The following SLC2A9 variants were observed in gnomAD, a reference collection of about 807,000 sequenced individuals.
SLC2A9 encodes solute carrier family 2 member 9.
SLC2A9 carries 39 observed loss-of-function variants against 50.6 expected under a neutral mutation model. The ratio of observed to expected loss-of-function variants is 0.77; its 90% CI spans 0.60 to 1.01. SLC2A9 has a LOEUF of 1.01. SLC2A9 is among the 50% of genes least tolerant of loss of function. The pLI is 0.00. For missense variants in SLC2A9, 686 were observed against 677.6 expected (o/e 1.01, Z -0.14); for synonymous variants, 324 against 276.9 (o/e 1.17, Z -1.69).
At chr4:9,973,137 T>C (rs917793378) in intron 5 of SLC2A9, among the ~76,000 whole-genome samples, 2 of 152,096 alleles carry the variant, frequency 1.3e-5, no homozygotes, top group African/African-American at 4.8e-5. Flanking sequence ...CACAGAAATA[T>C]AAAATATCTT....
At chr4:9,797,759 C>T (rs1279667449), downstream of SLC2A9, among the ~76,000 whole-genome samples, 1 of 152,220 alleles carries the variant, frequency 6.6e-6, no homozygotes, top group Non-Finnish European at 1.5e-5. Context: ...GTCCACAGCA[C>T]CAAACACTTA....
chr4:9,926,870 G>T (rs573622819), intron 6 of SLC2A9, among the ~76,000 whole-genome samples: 1 of 152,090 alleles, frequency 6.6e-6, no homozygotes, highest in Non-Finnish European at 1.5e-5. Flanking sequence ...GCAAGCTTGT[G>T]TTCACGGAGG....
chr4:10,001,019 G>A (rs936991284), intron 2 of SLC2A9, among the ~76,000 whole-genome samples: 2 of 152,112 alleles, frequency 1.3e-5, no homozygotes, highest in African/African-American at 2.4e-5. Flanking sequence ...CCAAACCTCA[G>A]AATGGGTCCT....
At chr4:9,976,726 C>T (rs968560646) in intron 5 of SLC2A9, among the ~76,000 whole-genome samples, 4 of 152,236 alleles carry the variant, frequency 2.6e-5, no homozygotes, top group East Asian at 3.8e-4. Flanking sequence ...GGCAGCTGTG[C>T]CCCTTGGCTG....
At position 9,887,589 on chromosome 4, in the gene SLC2A9, G is replaced by A. The variant is rs746434639; in HGVS notation, c.1269C>T (p.Ile423=). Residue 423 remains isoleucine, a synonymous_variant, in exon 10 of 12, where the codon ATC becomes ATT. Coordinates refer to ENST00000264784, the MANE Select transcript of SLC2A9 (RefSeq NM_020041.3). Reference sequence around the variant, plus strand: ...TACCTGGCCCACTGCAGAAAGAGGCGATGATGGCCAGAATGCCCACGATAC... The same window carrying A: ...TACCTGGCCCACTGCAGAAAGAGGCAATGATGGCCAGAATGCCCACGATAC... ...YLSIVGILAI[I]ASFCSGPGGI... The A allele has an allele frequency of 3.8e-5, 60 of 1,568,564 alleles. No homozygotes were observed. The highest frequency in any genetic ancestry group is 4.8e-5 in the South Asian group (4 of 83,876).
intron 7 of SLC2A9, among the ~76,000 whole-genome samples, chr4:9,917,419 G>A (rs536194278): frequency 1.7e-4 from 22 of 126,760 alleles, no homozygotes; most frequent in South Asian, 2.6e-4. Flanking sequence ...TGTAGCCTCC[G>A]CCTCCCAGGT....
At position 10,008,901 on chromosome 4, in the gene SLC2A9, T is replaced by G. The variant is rs79525067; in HGVS notation, c.249+10074A>C. Among the ~76,000 whole-genome samples, 335 of 88,524 alleles carry G rather than the reference T, an allele frequency of 3.8e-3. 3 individuals are homozygous for G. The highest frequency in any genetic ancestry group is 0.011 in the African/African-American group (320 of 28,832). 58.1% of individuals were successfully genotyped at this position (88,524 alleles called of 152,430 possible). ...TCATTATCAAATTTCTGTGCGGTGGTTTTTTTTTTTTTTTTTCCTAATGGA... is the reference window on the plus strand; with the variant it reads ...TCATTATCAAATTTCTGTGCGGTGGGTTTTTTTTTTTTTTTTCCTAATGGA... On this transcript the variant is annotated intron_variant, in intron 2 of 11. Coordinates refer to ENST00000264784, the MANE Select transcript of SLC2A9 (RefSeq NM_020041.3).
intron 7 of SLC2A9, among the ~76,000 whole-genome samples, chr4:9,912,436 A>G (rs935056290): frequency 2.0e-5 from 3 of 152,182 alleles, no homozygotes; most frequent in Non-Finnish European, 2.9e-5. Flanking sequence ...GGGTAAGGGC[A>G]GCAGGAAAGA....
chr4:10,002,623 C>T (rs896778638), intron 2 of SLC2A9, among the ~76,000 whole-genome samples: 15 of 152,196 alleles, frequency 9.9e-5, no homozygotes, highest in African/African-American at 3.4e-4. Flanking sequence ...GAGGCCAAGG[C>T]AGGCAGATCA....
chr4:9,931,912 G>GTCTCTCTC (rs1745995826), intron 6 of SLC2A9, among the ~76,000 whole-genome samples: 2 of 44,200 alleles, frequency 4.5e-5, no homozygotes, highest in African/African-American at 1.0e-4. Flanking sequence ...AAATGAGAAT[G>GTCTCTCTC]ACTCTCTCTC....
downstream of SLC2A9, among the ~76,000 whole-genome samples, chr4:9,824,523 C>T (rs376775624): frequency 1.2e-4 from 18 of 152,142 alleles, no homozygotes; most frequent in African/African-American, 3.9e-4. Context: ...ACCTCTCACC[C>T]CAGTCATCCC....
chr4:10,013,598 G>T (rs1578338398), intron 2 of SLC2A9, among the ~76,000 whole-genome samples: 1 of 152,312 alleles, frequency 6.6e-6, no homozygotes, highest in East Asian at 1.9e-4. Context: ...TCTGAACCTG[G>T]GTCAAGTGCA....
chr4:9,999,834 G>C (rs1217187159), intron 2 of SLC2A9, among the ~76,000 whole-genome samples: 3 of 152,128 alleles, frequency 2.0e-5, no homozygotes, highest in Admixed American at 2.0e-4. Context: ...CACACTTGGG[G>C]GGCACTGCAG....
chr4:9,826,882 A>G (rs1725233278), intron 11 of SLC2A9, among the ~76,000 whole-genome samples: 1 of 152,202 alleles, frequency 6.6e-6, no homozygotes, highest in Non-Finnish European at 1.5e-5. Flanking sequence ...TCATCACGAA[A>G]GCAAAATGGA....
chr4:10,019,352 C>T (rs565574644), intron 1 of SLC2A9: 2 of 530,340 alleles, frequency 3.8e-6, no homozygotes, highest in Admixed American at 3.2e-5. Flanking sequence ...TTTTCAGCAG[C>T]TGCTCTGGGC....
intron 10 of SLC2A9, among the ~76,000 whole-genome samples, chr4:9,863,578 T>C (rs1405476900): frequency 6.6e-6 from 1 of 152,142 alleles, no homozygotes; most frequent in Non-Finnish European, 1.5e-5. Context: ...AGCCTCCCCA[T>C]AGGCCCTCTT....
At position 9,886,624 on chromosome 4, in the gene SLC2A9, G is replaced by A. The variant is rs1438884094; in HGVS notation, c.1291+943C>T. The stretch of plus-strand genomic sequence containing the variant: ...TAGAACCTGGAATGTAATGGCTTAC[G>A]AGAATCAGCAACACAAAGGGAGAAA... On this transcript the variant is annotated intron_variant, in intron 10 of 11. Transcript: ENST00000264784. 2.0e-5 allele frequency among the ~76,000 whole-genome samples: 3 copies of A among 152,180 alleles called. No homozygotes were observed. In the East Asian group the frequency reaches 5.8e-4, roughly 29 times the overall value.
At chr4:9,920,814 C>T (rs779376643) in intron 6 of SLC2A9, among the ~76,000 whole-genome samples, 2 of 152,196 alleles carry the variant, frequency 1.3e-5, no homozygotes, top group Non-Finnish European at 1.5e-5. Flanking sequence ...AAGCTGAGAA[C>T]GTGGGTCTCT....
intron 6 of SLC2A9, among the ~76,000 whole-genome samples, chr4:9,929,809 A>C (rs1259611167): frequency 6.6e-6 from 1 of 152,156 alleles, no homozygotes; most frequent in East Asian, 1.9e-4. Context: ...CATACTACAG[A>C]TGGGTGGTTT....
Sources: gnomAD v4.1 joint callset for allele counts (sites outside exome capture counted in the v4.1 genomes callset) on GRCh38, gnomAD v4.1.1 for gene constraint, MANE v1.5 for transcripts, NCBI Gene and HGNC (gene_info 2026-07-23, HGNC 2026-07-21) for gene names.